The following ENOX2 variants were observed in gnomAD, a reference collection of about 807,000 sequenced individuals.
ENOX2 encodes the protein ecto-NOX disulfide-thiol exchanger 2, also known as APK1 antigen.
ENOX2 carries 36 observed loss-of-function variants against 45.0 expected under a neutral mutation model. The ratio of observed to expected loss-of-function variants is 0.80; its 90% confidence interval spans 0.61 to 1.06. The LOEUF is 1.06. ENOX2 is among the 50% of genes least tolerant of loss of function. The pLI, the probability that ENOX2 is intolerant of heterozygous loss-of-function variation, is 0.00. For missense variants in ENOX2, 423 were observed against 462.5 expected, an observed-to-expected ratio of 0.91 and a Z score of 0.78; for synonymous variants, 174 against 152.3, an observed-to-expected ratio of 1.14 and a Z score of -1.05.
At chrX:130,855,166 G>C (rs977565751) in intron 2 of ENOX2, among the ~76,000 whole-genome samples, 2 of 111,219 alleles carry the variant, frequency 1.8e-5, no homozygotes, top group African/African-American at 6.5e-5. Context: ...AAATCTCCTA[G>C]AACTAATTTG....
At chrX:130,655,010 C>T (rs1157805140) in intron 10 of ENOX2, among the ~76,000 whole-genome samples, 2 of 112,277 alleles carry the variant, frequency 1.8e-5, no homozygotes, top group Non-Finnish European at 3.8e-5. Flanking sequence ...TTCATGGTAA[C>T]ACTGACTAAA....
intron 2 of ENOX2, among the ~76,000 whole-genome samples, chrX:130,860,156 C>T (rs1397229607): frequency 4.5e-5 from 5 of 110,880 alleles, no homozygotes; most frequent in Non-Finnish European, 9.5e-5. Flanking sequence ...TGGGTTTCGC[C>T]ATGTTGGCCA....
chrX:130,833,052 CA>C (rs1475841788), intron 2 of ENOX2, among the ~76,000 whole-genome samples: 14 of 106,075 alleles, frequency 1.3e-4, no homozygotes, highest in Admixed American at 2.1e-4. Context: ...CACACACACA[CA>C]CAAACAGCAC....
At chrX:130,871,680 G>A (rs999700987) in intron 2 of ENOX2, among the ~76,000 whole-genome samples, 1 of 110,847 alleles carries the variant, frequency 9.0e-6, no homozygotes, top group Non-Finnish European at 1.9e-5. Flanking sequence ...CAACACTAGA[G>A]TTCTTTCCCA....
chrX:130,766,664 A>G (rs1569498892), intron 3 of ENOX2, among the ~76,000 whole-genome samples: 2 of 111,164 alleles, frequency 1.8e-5, no homozygotes, highest in Non-Finnish European at 3.8e-5. Flanking sequence ...ATGGATAACC[A>G]TTTTTCCAGC....
chrX:130,749,955 T>A (rs372023983), intron 3 of ENOX2, among the ~76,000 whole-genome samples: 1 of 110,474 alleles, frequency 9.1e-6, no homozygotes, highest in East Asian at 2.9e-4. Context: ...TTCTTGTCAC[T>A]GTATGGTTCT....
intron 2 of ENOX2, among the ~76,000 whole-genome samples, chrX:130,868,690 A>G (rs370567058): frequency 4.5e-5 from 5 of 111,787 alleles, no homozygotes; most frequent in African/African-American, 1.6e-4. Flanking sequence ...TTCAGCTACC[A>G]CCTATAAACT....
Position 130,674,623 on chromosome X carries a change from T to A in ENOX2, c.461-4425A>T, listed in dbSNP as rs181487410. Among the ~76,000 whole-genome samples the A allele has an allele frequency of 1.3e-4, 14 of 111,915 alleles. No individual in the cohort carries two copies. In the East Asian group the frequency reaches 3.7e-3, roughly 29 times the overall value. On this transcript the variant is annotated intron_variant, in intron 6 of 14. Transcript: ENST00000394363. ...AACCAGCAATAAATATCTTTTTTTA[T>A]TATTATTATCATACTTTAAGTTTTA...
intron 9 of ENOX2, 60 bp from the exon 10 acceptor site, chrX:130,656,755 TG>T (rs2036557307): frequency 1.5e-6 from 1 of 674,008 alleles, no homozygotes; most frequent in African/African-American, 2.2e-5. Context: ...AGGAAATGAA[TG>T]GAGTTAAGGA....
chrX:130,815,992 A>C (rs1381891123), intron 2 of ENOX2, among the ~76,000 whole-genome samples: 3 of 111,783 alleles, frequency 2.7e-5, no homozygotes, highest in Non-Finnish European at 5.6e-5. Flanking sequence ...TGCTGTAATC[A>C]GGAGACCCAT....
At chrX:130,844,670 GT>G (rs959291553) in intron 2 of ENOX2, among the ~76,000 whole-genome samples, 4 of 112,069 alleles carry the variant, frequency 3.6e-5, no homozygotes, top group Non-Finnish European at 7.5e-5. Flanking sequence ...ACTTGACACA[GT>G]TTTTTGGAAT....
intron 4 of ENOX2, among the ~76,000 whole-genome samples, chrX:130,699,720 A>G (rs2037850117): frequency 9.0e-6 from 1 of 111,645 alleles, no homozygotes. Flanking sequence ...CCAACCTTCC[A>G]TTTCTGTGAA....
At chrX:130,781,694 A>G (rs1324415442) in intron 3 of ENOX2, among the ~76,000 whole-genome samples, 3 of 111,280 alleles carry the variant, frequency 2.7e-5, no homozygotes, top group Non-Finnish European at 3.8e-5. Context: ...AATTCTGTGC[A>G]CTCTATCCGT....
Position 130,670,170 on chromosome X carries a change from A to G in ENOX2, c.489T>C (p.Thr163=). 8.3e-7 allele frequency: 1 copy of G among 1,210,491 alleles called. No individual in the cohort carries two copies. Among genetic ancestry groups the G allele is most frequent in the Non-Finnish European group, 1.1e-6 (1 of 894,655 alleles). Residue 163 remains threonine (T), a synonymous_variant, in exon 7 of 15, where the codon ACT becomes ACC. Transcript: ENST00000394363. ...SGYRIRLGSS[T]DKKDTGRLHV... ...GGAGTCTGCCTGTGTCCTTCTTGTCAGTACTAGAGCCCAGGCGAATGCGGT... is the reference window on the plus strand; with the variant it reads ...GGAGTCTGCCTGTGTCCTTCTTGTCGGTACTAGAGCCCAGGCGAATGCGGT...
chrX:130,709,538 C>T (rs1048680273), intron 3 of ENOX2, among the ~76,000 whole-genome samples: 1 of 105,211 alleles, frequency 9.5e-6, no homozygotes, highest in Non-Finnish European at 1.9e-5. Context: ...ACTTGGGAGG[C>T]TGAGGCACGA....
At chrX:130,834,756 G>A (rs2077900768) in intron 2 of ENOX2, among the ~76,000 whole-genome samples, 1 of 111,168 alleles carries the variant, frequency 9.0e-6, no homozygotes, top group African/African-American at 3.3e-5. Flanking sequence ...GGGCAAACAG[G>A]AAAATCTTCA....
At chrX:130,634,761 C>A (rs2035885482) in intron 12 of ENOX2, among the ~76,000 whole-genome samples, 1 of 111,223 alleles carries the variant, frequency 9.0e-6, no homozygotes, top group African/African-American at 3.3e-5. Flanking sequence ...ACTTCTTATT[C>A]ATTGAAAGGT....
Position 130,670,445 on chromosome X carries a change from T to A in ENOX2, c.461-247A>T, listed in dbSNP as rs146175212. 3.9e-3 allele frequency among the ~76,000 whole-genome samples: 433 copies of A among 110,726 alleles called. 2 individuals carry two copies. Among genetic ancestry groups the A allele is most frequent in the Non-Finnish European group, 7.3e-3 (384 of 52,942 alleles). ...CTGATAATAGCTCACATTCTATGGG[T>A]TGGGTTAGTCTTGTTCTTAAGAGTT... On this transcript the variant is annotated intron_variant, in intron 6 of 14. Coordinates refer to ENST00000394363, the MANE Select transcript of ENOX2 (RefSeq NM_006375.4).
chrX:130,902,163 G>GT (rs775103609), intron 1 of ENOX2, among the ~76,000 whole-genome samples: 58 of 111,069 alleles, frequency 5.2e-4, no homozygotes, highest in Non-Finnish European at 9.4e-4. Context: ...CCCTCTTAGC[G>GT]TTTTTTGCAC....
Sources: gnomAD v4.1 joint callset for allele counts (sites outside exome capture counted in the v4.1 genomes callset) on GRCh38, gnomAD v4.1.1 for gene constraint, MANE v1.5 for transcripts, NCBI Gene and HGNC (gene_info 2026-07-23, HGNC 2026-07-21) for gene names.